Variants in NUDCD1 observed in about 807,000 individuals in gnomAD.
NUDCD1 encodes NudC domain containing 1, also known as nudC domain-containing protein 1.
NUDCD1 carries 60 observed loss-of-function variants against 67.8 expected under a neutral mutation model. That is an observed-to-expected ratio of 0.88 (90% CI 0.72 to 1.10). The LOEUF (loss-of-function observed/expected upper bound fraction) is 1.10. Ranked by LOEUF, NUDCD1 falls within the 50% of genes least tolerant of loss-of-function variation. NUDCD1 has a pLI of 0.00. For missense variants in NUDCD1, 643 were observed against 695.0 expected (o/e 0.93, Z 0.84); for synonymous variants, 244 against 230.8 (o/e 1.06, Z -0.52).
rs1389125482 is a variant in NUDCD1 at position 109,241,974 on chromosome 8, T to G, written c.*1035A>C. The G allele has an allele frequency of 5.0e-6, 2 of 396,884 alleles. No individual in the cohort carries two copies. The highest frequency in any genetic ancestry group is 4.1e-5 in the African/African-American group (2 of 48,516). The allele number at this position is 396,884 out of a possible 1,614,324, so 24.6% of individuals were successfully genotyped here. ...AAAGGTAAGTTTGAAAAAACAAAATTTGTGGCAAGAAACTATAACATATAA... is the reference window on the plus strand; with the variant it reads ...AAAGGTAAGTTTGAAAAAACAAAATGTGTGGCAAGAAACTATAACATATAA... On this transcript the variant is annotated 3_prime_UTR_variant, in exon 10 of 10. Coordinates refer to ENST00000239690, the MANE Select transcript of NUDCD1 (RefSeq NM_032869.4).
At chr8:109,288,012 T>C (rs1814617131) in intron 5 of NUDCD1, among the ~76,000 whole-genome samples, 1 of 152,168 alleles carries the variant, frequency 6.6e-6, no homozygotes, top group Admixed American at 6.5e-5. Context: ...CAATAGATAA[T>C]ACCAGTCTTC....
At chr8:109,258,697 A>G (rs750923359) in intron 8 of NUDCD1, among the ~76,000 whole-genome samples, 23 of 151,534 alleles carry the variant, frequency 1.5e-4, no homozygotes, top group Non-Finnish European at 3.2e-4. Context: ...AGATTCTAAG[A>G]AAAAAAAAGT....
At chr8:109,326,565 C>T (rs945910081) in intron 1 of NUDCD1, among the ~76,000 whole-genome samples, 1 of 152,072 alleles carries the variant, frequency 6.6e-6, no homozygotes, top group Non-Finnish European at 1.5e-5. Flanking sequence ...TACAGAGAAG[C>T]CAGTGTAGTA....
intron 9 of NUDCD1, 139 bp downstream of exon 9, chr8:109,245,183 A>T: frequency 1.3e-6 from 1 of 792,188 alleles, no homozygotes; most frequent in Non-Finnish European, 1.9e-6. Context: ...AACTAGTACA[A>T]GCAAACAAAT....
chr8:109,297,468 T>G (rs566300821), intron 2 of NUDCD1, among the ~76,000 whole-genome samples: 22 of 152,310 alleles, frequency 1.4e-4, no homozygotes, highest in African/African-American at 5.3e-4. Flanking sequence ...GGCTCCACAC[T>G]GGTGATTGGG....
At chr8:109,333,434 G>C (rs541541787) in intron 1 of NUDCD1, among the ~76,000 whole-genome samples, 23 of 152,310 alleles carry the variant, frequency 1.5e-4, no homozygotes, top group African/African-American at 5.5e-4. Flanking sequence ...GCTATGACTG[G>C]AATGTAGTTT....
chr8:109,299,862 A>T (rs890969153), intron 2 of NUDCD1, among the ~76,000 whole-genome samples: 2 of 152,158 alleles, frequency 1.3e-5, no homozygotes, highest in East Asian at 3.9e-4. Context: ...CACCCCGCTG[A>T]CACCTCCACA....
intron 2 of NUDCD1, among the ~76,000 whole-genome samples, chr8:109,314,869 A>G (rs1815352479): frequency 6.6e-6 from 1 of 152,134 alleles, no homozygotes; most frequent in African/African-American, 2.4e-5. Context: ...AGTTGCAGCT[A>G]TAAGTAGAGA....
At chr8:109,246,428 C>T (rs1813498026) in intron 8 of NUDCD1, among the ~76,000 whole-genome samples, 1 of 152,152 alleles carries the variant, frequency 6.6e-6, no homozygotes, top group African/African-American at 2.4e-5. Flanking sequence ...AGAGAAATAT[C>T]ACAATGCTGG....
chr8:109,294,269 T>C (rs1458915), intron 3 of NUDCD1, among the ~76,000 whole-genome samples: 54,583 of 151,686 alleles, frequency 0.36, 10,611 homozygotes, highest in South Asian at 0.5. Context: ...CTGTACCTGG[T>C]ATCCCCACAT....
chr8:109,330,257 A>C (rs1475272618), intron 1 of NUDCD1, among the ~76,000 whole-genome samples: 1 of 152,242 alleles, frequency 6.6e-6, no homozygotes, highest in Non-Finnish European at 1.5e-5. Flanking sequence ...TAGCAAAGGA[A>C]ATTTTGGTAC....
At chr8:109,328,516 G>A (rs955576029) in intron 1 of NUDCD1, among the ~76,000 whole-genome samples, 1 of 152,130 alleles carries the variant, frequency 6.6e-6, no homozygotes. Context: ...GATTACCCCA[G>A]GCTACAGAAA....
At chr8:109,329,125 T>C (rs1815747270) in intron 1 of NUDCD1, among the ~76,000 whole-genome samples, 1 of 148,666 alleles carries the variant, frequency 6.7e-6, no homozygotes, top group South Asian at 2.1e-4. Flanking sequence ...AAGAGACTAA[T>C]ATTACAAAAA....
chr8:109,333,992 A>T lies in NUDCD1; in HGVS notation c.19T>A (p.Cys7Ser). The T allele has an allele frequency of 6.2e-7, 1 of 1,614,188 alleles. No individual in the cohort carries two copies. The highest frequency in any genetic ancestry group is 8.5e-7 in the Non-Finnish European group (1 of 1,180,000). The change falls in exon 1 of 10, where the codon TGC becomes AGC. Residue 7 changes from cysteine to serine, a missense_variant. By Grantham distance (112) the Cys-to-Ser change is moderately radical. Coordinates refer to ENST00000239690, the MANE Select transcript of NUDCD1 (RefSeq NM_032869.4). ...AGAGGTCTCTTCACCCGTAGGGAGC[A>T]ATTAGCCGCCACCTCCATCGCTTTC... MEVAAN[C>S]SLRVKRPLLD...
At position 109,333,873 on chromosome 8, in the gene NUDCD1, A is replaced by C. The variant is rs768407031; in HGVS notation, c.118+20T>G. ...GAAAGGGGAAAGGAACGGAGTACGA[A>C]GGGCGCCGCCGCTTCCCACCTGCGT... On this transcript the variant is annotated intron_variant, in intron 1 of 9. Coordinates refer to ENST00000239690, the MANE Select transcript of NUDCD1 (RefSeq NM_032869.4). 8.7e-6 allele frequency: 14 copies of C among 1,613,604 alleles called. No individual in the cohort carries two copies. The South Asian group carries it at 1.5e-4, about 18-fold the overall frequency.
chr8:109,251,179 TTTC>T (rs1357408041), intron 8 of NUDCD1, among the ~76,000 whole-genome samples: 44 of 128,372 alleles, frequency 3.4e-4, no homozygotes, highest in Non-Finnish European at 6.7e-4. Flanking sequence ...TTTTTTTTTT[TTTC>T]TTTTTTTTTT....
intron 2 of NUDCD1, among the ~76,000 whole-genome samples, chr8:109,312,071 G>C (rs560289706): frequency 2.0e-5 from 3 of 152,108 alleles, no homozygotes; most frequent in Non-Finnish European, 4.4e-5. Flanking sequence ...GTGGGGCCAA[G>C]GCAGGCGAAT....
rs572042497 is a variant in NUDCD1 at position 109,286,865 on chromosome 8, C to T, written c.823+2886G>A. Among the ~76,000 whole-genome samples, 31 of 152,148 alleles carry T rather than the reference C, an allele frequency of 2.0e-4. No individual in the cohort carries two copies. The South Asian group carries it at 3.1e-3, about 15-fold the overall frequency. ...GAATCAGAGAAAATATTTGCAACTA[C>T]GCACCCAACAGAAGTCTAATATCAA... is the stretch of plus-strand genomic sequence containing the variant. On this transcript the variant is annotated intron_variant, in intron 5 of 9. Transcript: ENST00000239690.
intron 1 of NUDCD1, among the ~76,000 whole-genome samples, chr8:109,330,102 T>A (rs1815772854): frequency 6.6e-6 from 1 of 152,182 alleles, no homozygotes; most frequent in African/African-American, 2.4e-5. Flanking sequence ...AGACTTGTAC[T>A]AAATGAAGAT....
Sources: allele counts gnomAD v4.1 joint callset (sites outside exome capture counted in the v4.1 genomes callset), GRCh38; gene constraint gnomAD v4.1.1; transcripts MANE v1.5; gene names NCBI Gene and HGNC (gene_info 2026-07-23, HGNC 2026-07-21).